GALNT13: variants seen among roughly 807,000 people sequenced by gnomAD.
The protein encoded by GALNT13 is polypeptide N-acetylgalactosaminyltransferase 13.
In GALNT13, 28 loss-of-function variants were observed where a neutral mutation model predicts 64.2. The ratio of observed to expected loss-of-function variants is 0.44; its 90% CI spans 0.32 to 0.60. The LOEUF (loss-of-function observed/expected upper bound fraction) is 0.60, where lower values mean the gene tolerates loss of function less well. Among genes scored for constraint, GALNT13 ranks in the 20% least tolerant of loss-of-function variants. GALNT13 has a pLI of 0.05. For synonymous variants in GALNT13, 214 were observed against 224.6 expected (o/e 0.95, Z 0.42); for missense variants, 577 against 669.8 (o/e 0.86, Z 1.53).
chr2:153,703,367 T>A, the GALNT13 span, among the ~76,000 whole-genome samples: 22 of 152,300 alleles, frequency 1.4e-4, 1 homozygote, highest in South Asian at 4.1e-3. Flanking sequence ...TTTAATTTGC[T>A]TTAATCTTTT....
At chr2:154,130,681 C>T (rs1004470045) in intron 3 of GALNT13, among the ~76,000 whole-genome samples, 8 of 152,038 alleles carry the variant, frequency 5.3e-5, no homozygotes, top group African/African-American at 1.7e-4. Context: ...AATGTTACAT[C>T]CAGAAATTAT....
At chr2:153,084,927 CAGA>C in the GALNT13 span, among the ~76,000 whole-genome samples, 1 of 152,112 alleles carries the variant, frequency 6.6e-6, no homozygotes, top group Non-Finnish European at 1.5e-5. Flanking sequence ...GTGGAGGGCT[CAGA>C]AGAAGACAGG....
chr2:153,102,757 C>T, the GALNT13 span, among the ~76,000 whole-genome samples: 80 of 152,256 alleles, frequency 5.3e-4, no homozygotes, highest in Admixed American at 1.3e-3. Flanking sequence ...ACTTGGTTAT[C>T]AGCTGGTGTG....
chr2:153,125,004 T>C, the GALNT13 span, among the ~76,000 whole-genome samples: 3 of 152,190 alleles, frequency 2.0e-5, no homozygotes, highest in East Asian at 5.8e-4. Context: ...CAAGTAAGAT[T>C]GCCAGATTTA....
At chr2:154,384,745 G>A (rs186345421) in intron 9 of GALNT13, among the ~76,000 whole-genome samples, 1 of 151,978 alleles carries the variant, frequency 6.6e-6, no homozygotes, top group Non-Finnish European at 1.5e-5. Flanking sequence ...GTCATTCTCA[G>A]TGCCATTAAG....
At position 154,205,445 on chromosome 2, in the gene GALNT13, A is replaced by G. The variant is rs369524159; in HGVS notation, c.312-36585A>G. Among the ~76,000 whole-genome samples the G allele has an allele frequency of 7.2e-5, 11 of 152,356 alleles. No individual in the cohort carries two copies. The East Asian group carries it at 1.7e-3, about 24-fold the overall frequency. On this transcript the variant is annotated intron_variant, in intron 4 of 12. Coordinates refer to ENST00000392825, the MANE Select transcript of GALNT13 (RefSeq NM_052917.4). ...AAAATATATACATTTAGTAGAAAAAAAGATTGTAAATTAGCTAGGCAATAA... is the reference window on the plus strand; with the variant it reads ...AAAATATATACATTTAGTAGAAAAAGAGATTGTAAATTAGCTAGGCAATAA...
chr2:153,447,233 A>G, the GALNT13 span, among the ~76,000 whole-genome samples: 6 of 152,226 alleles, frequency 3.9e-5, no homozygotes, highest in Non-Finnish European at 7.3e-5. Context: ...AAATATTGTA[A>G]TAATTGTAAA....
the GALNT13 span, among the ~76,000 whole-genome samples, chr2:153,092,737 G>A: frequency 6.6e-6 from 1 of 151,954 alleles, no homozygotes; most frequent in Admixed American, 6.6e-5. Context: ...TTTTCTTGTG[G>A]CATCTAGGAT....
At chr2:153,485,680 AC>A in the GALNT13 span, among the ~76,000 whole-genome samples, 1 of 152,116 alleles carries the variant, frequency 6.6e-6, no homozygotes, top group African/African-American at 2.4e-5. Context: ...AGACAGGAGG[AC>A]TGCTTGAGCC....
chr2:153,126,920 GC>G, the GALNT13 span, among the ~76,000 whole-genome samples: 1 of 151,782 alleles, frequency 6.6e-6, no homozygotes, highest in Non-Finnish European at 1.5e-5. Flanking sequence ...CATAGGATAG[GC>G]CCCATAATTT....
In GALNT13 at chr2:153,953,299, A is replaced by G. The variant is rs536138166; in HGVS notation, c.142+8660A>G. 3.3e-5 allele frequency among the ~76,000 whole-genome samples: 5 copies of G among 152,312 alleles called. No homozygotes were observed. The East Asian group carries it at 9.7e-4, about 29-fold the overall frequency. On this transcript the variant is annotated intron_variant, in intron 3 of 12. Transcript: ENST00000392825. The stretch of plus-strand genomic sequence containing the variant: ...AAGCAAGAATTTCTGATTCTATAGA[A>G]AAAAGATACATACATTAGTCAATAG...
chr2:154,445,443 A>G (rs185507997), intron 12 of GALNT13, among the ~76,000 whole-genome samples: 1 of 152,088 alleles, frequency 6.6e-6, no homozygotes. Flanking sequence ...GTTCACTTCA[A>G]GGAGAAATAT....
the GALNT13 span, among the ~76,000 whole-genome samples, chr2:153,716,068 A>G: frequency 6.6e-6 from 1 of 152,182 alleles, no homozygotes; most frequent in South Asian, 2.1e-4. Flanking sequence ...GAGAAATACA[A>G]CAACAACAAA....
chr2:153,578,149 C>T, the GALNT13 span, among the ~76,000 whole-genome samples: 6 of 152,048 alleles, frequency 3.9e-5, no homozygotes, highest in Admixed American at 1.3e-4. Context: ...AACATATATG[C>T]GATAAGTGAT....
At chr2:153,224,974 T>C in the GALNT13 span, among the ~76,000 whole-genome samples, 9 of 152,258 alleles carry the variant, frequency 5.9e-5, no homozygotes, top group Non-Finnish European at 1.2e-4. Context: ...TAACTCATTC[T>C]ATGAGACCAG....
intron 8 of GALNT13, among the ~76,000 whole-genome samples, chr2:154,285,380 AT>A (rs1249214327): frequency 1.3e-5 from 2 of 152,060 alleles, no homozygotes; most frequent in Non-Finnish European, 1.5e-5. Flanking sequence ...ATTTTATCCA[AT>A]TTGAGTTGAT....
chr2:153,685,089 G>T, the GALNT13 span, among the ~76,000 whole-genome samples: 1 of 151,502 alleles, frequency 6.6e-6, no homozygotes, highest in Admixed American at 6.6e-5. Flanking sequence ...CCATGTCTTC[G>T]CTATTGTGAA....
At chr2:153,190,962 A>G in the GALNT13 span, among the ~76,000 whole-genome samples, 2 of 151,416 alleles carry the variant, frequency 1.3e-5, no homozygotes, top group Admixed American at 6.6e-5. Flanking sequence ...ATCAGATCTA[A>G]GAGGTTTTTT....
At chr2:153,236,206 T>G in the GALNT13 span, among the ~76,000 whole-genome samples, 482 of 152,158 alleles carry the variant, frequency 3.2e-3, 1 homozygote, top group African/African-American at 0.011. Flanking sequence ...TTCATGAAGT[T>G]AAGGAAAGAA....
Sources: allele counts gnomAD v4.1 joint callset (sites outside exome capture counted in the v4.1 genomes callset), GRCh38; gene constraint gnomAD v4.1.1; transcripts MANE v1.5; gene names NCBI Gene and HGNC (gene_info 2026-07-23, HGNC 2026-07-21).